The following ACER1 variants were observed in gnomAD, a reference collection of about 807,000 sequenced individuals.
ACER1 encodes CTB-180A7.3.
A neutral mutation model predicts 24.9 loss-of-function variants in ACER1; 28 were observed. The ratio of observed to expected loss-of-function variants is 1.13; its 90% CI spans 0.83 to 1.54. The LOEUF (loss-of-function observed/expected upper bound fraction) is 1.54, where lower values mean the gene tolerates loss of function less well. Among genes scored for constraint, ACER1 ranks in the 40% most tolerant of loss-of-function variants. ACER1 has a pLI of 0.00. For synonymous variants in ACER1, 132 were observed against 131.4 expected, an observed-to-expected ratio of 1.00 and a Z score of -0.03; for missense variants, 352 against 349.3, an observed-to-expected ratio of 1.01 and a Z score of -0.06.
the ACER1 span, among the ~76,000 whole-genome samples, chr19:6,354,812 C>G: frequency 6.8e-6 from 1 of 146,696 alleles, no homozygotes; most frequent in African/African-American, 2.6e-5. Flanking sequence ...CCCTCTCCCC[C>G]CTCTCCCTTT....
rs543302456 is a variant in ACER1 at position 6,322,659 on chromosome 19, C to A, written c.94-10160G>T. Among the ~76,000 whole-genome samples, 42 of 152,256 alleles carry A rather than the reference C, an allele frequency of 2.8e-4. 1 individual carries two copies. In the South Asian group the frequency reaches 8.7e-3, roughly 32 times the overall value. On this transcript the variant is annotated intron_variant, in intron 1 of 5. Coordinates refer to ENST00000301452, the MANE Select transcript of ACER1 (RefSeq NM_133492.3). ...CAGAGCAACAAGAAAGCAAAAGATT[C>A]TTCTTTGGAGAATGATATGATTTGG...
intron 1 of ACER1, among the ~76,000 whole-genome samples, chr19:6,312,708 C>T (rs1310347455): frequency 6.8e-6 from 1 of 146,328 alleles, no homozygotes; most frequent in Non-Finnish European, 1.5e-5. Context: ...TGGAGTCTTG[C>T]TCTGTCACTC....
chr19:6,306,984 G>A, intron 5 of ACER1, 102 bp from the exon 6 acceptor site: 1 of 1,497,704 alleles, frequency 6.7e-7, no homozygotes, highest in Non-Finnish European at 9.0e-7. Flanking sequence ...ATCCAGGGGA[G>A]CCTTCTGGGT....
intron 1 of ACER1, among the ~76,000 whole-genome samples, chr19:6,322,493 T>G (rs936053243): frequency 5.4e-5 from 8 of 148,612 alleles, no homozygotes; most frequent in Admixed American, 6.7e-5. Context: ...CTATTCATCT[T>G]TCAAAACCCA....
chr19:6,335,907 T>A (rs1370146392), upstream of ACER1, among the ~76,000 whole-genome samples: 5 of 133,982 alleles, frequency 3.7e-5, no homozygotes, highest in African/African-American at 1.5e-4. Flanking sequence ...TTTTCTTTTC[T>A]TTTTTTTTTT....
chr19:6,317,343 T>C (rs1474304003), intron 1 of ACER1, among the ~76,000 whole-genome samples: 1 of 152,180 alleles, frequency 6.6e-6, no homozygotes, highest in Admixed American at 6.6e-5. Flanking sequence ...GTGATTGATA[T>C]GAAATGGACA....
At chr19:6,332,233 C>T (rs2091691121) in intron 1 of ACER1, among the ~76,000 whole-genome samples, 1 of 146,530 alleles carries the variant, frequency 6.8e-6, no homozygotes, top group African/African-American at 2.6e-5. Flanking sequence ...TCGCAAAGTG[C>T]TGTGATTACA....
chr19:6,340,892 G>T, the ACER1 span, among the ~76,000 whole-genome samples: 4 of 152,058 alleles, frequency 2.6e-5, no homozygotes, highest in African/African-American at 9.7e-5. Flanking sequence ...CAATGTAATG[G>T]CTTAGAACAG....
At chr19:6,351,646 T>C in the ACER1 span, among the ~76,000 whole-genome samples, 1 of 151,746 alleles carries the variant, frequency 6.6e-6, no homozygotes, top group African/African-American at 2.4e-5. Flanking sequence ...CGCAGGAAGA[T>C]CGCTTGAGCC....
At chr19:6,354,807 TC>T in the ACER1 span, among the ~76,000 whole-genome samples, 4 of 133,500 alleles carry the variant, frequency 3.0e-5, no homozygotes, top group African/African-American at 1.3e-4. Flanking sequence ...CCTCTCCCTC[TC>T]CCCCCTCTCC....
chr19:6,328,496 C>CA (rs1013111916), intron 1 of ACER1, among the ~76,000 whole-genome samples: 2,791 of 39,946 alleles, frequency 0.07, 95 homozygotes, highest in Non-Finnish European at 0.088. Flanking sequence ...GACTCCATCT[C>CA]AAAAAAAAAA....
chr19:6,333,436 C>A (rs1210031903), intron 1 of ACER1, 23 bp downstream of exon 1: 8 of 1,548,816 alleles, frequency 5.2e-6, no homozygotes, highest in Non-Finnish European at 7.0e-6. Flanking sequence ...TGGCGAGACT[C>A]CTTCACACAC....
upstream of ACER1, among the ~76,000 whole-genome samples, chr19:6,337,967 G>A (rs936832678): frequency 2.6e-5 from 4 of 151,376 alleles, no homozygotes; most frequent in East Asian, 1.9e-4. Flanking sequence ...GTGAGCCACC[G>A]CGCCCAGCCC....
At chr19:6,355,766 A>C in the ACER1 span, among the ~76,000 whole-genome samples, 2 of 99,032 alleles carry the variant, frequency 2.0e-5, no homozygotes, top group Non-Finnish European at 3.9e-5. Context: ...TCAGCCCCCC[A>C]CCCGGCCAGC....
At chr19:6,327,636 T>A (rs2091667922) in intron 1 of ACER1, among the ~76,000 whole-genome samples, 1 of 151,784 alleles carries the variant, frequency 6.6e-6, no homozygotes, top group Admixed American at 6.6e-5. Flanking sequence ...TAAACACTCT[T>A]TGGCCTGTGG....
the ACER1 span, among the ~76,000 whole-genome samples, chr19:6,347,109 A>AAAAATATATATATAT: frequency 3.4e-4 from 39 of 113,756 alleles, 1 homozygote; most frequent in East Asian, 4.9e-3. Context: ...AAAAAAAAAA[A>AAAAATATATATATAT]ATATATATAT....
rs1555715724 is a variant in ACER1 at position 6,321,604 on chromosome 19, G to GT, written c.94-9106dup. The stretch of plus-strand genomic sequence containing the variant: ...AGGAGTTTCTTGTATTTTTTTCTTT[G>GT]TTTGTTTTGTTTTGTTTTGTTTGAG... On this transcript the variant is annotated intron_variant, in intron 1 of 5. Transcript: ENST00000301452. Among the ~76,000 whole-genome samples, 16 of 132,738 alleles carry GT rather than the reference G, an allele frequency of 1.2e-4. No homozygotes were observed. In the South Asian group the frequency reaches 2.6e-3, roughly 22 times the overall value. 87.1% of individuals were successfully genotyped at this position (132,738 alleles called of 152,430 possible).
At chr19:6,353,105 A>T in the ACER1 span, among the ~76,000 whole-genome samples, 4 of 152,068 alleles carry the variant, frequency 2.6e-5, no homozygotes, top group Non-Finnish European at 5.9e-5. Context: ...AGGTGTGAGG[A>T]TCATTTGAGG....
At chr19:6,344,185 C>T in the ACER1 span, among the ~76,000 whole-genome samples, 1 of 151,988 alleles carries the variant, frequency 6.6e-6, no homozygotes, top group East Asian at 1.9e-4. Flanking sequence ...AGGAGAATGG[C>T]CCGAACCCAG....
Sources: gnomAD v4.1 joint callset for allele counts (sites outside exome capture counted in the v4.1 genomes callset) on GRCh38, gnomAD v4.1.1 for gene constraint, MANE v1.5 for transcripts, NCBI Gene and HGNC (gene_info 2026-07-23, HGNC 2026-07-21) for gene names.